Variants in FLYWCH1 observed in about 807,000 individuals in gnomAD.
FLYWCH1 encodes the protein FLYWCH-type zinc finger-containing protein 1.
In FLYWCH1, 75 loss-of-function variants were observed where a neutral mutation model predicts 66.4. The observed-to-expected ratio is 1.13, with a 90% confidence interval of 0.94 to 1.37. FLYWCH1 has a LOEUF of 1.37. Among genes scored for constraint, FLYWCH1 ranks in the 40% most tolerant of loss-of-function variants. FLYWCH1 has a pLI of 0.00. For synonymous variants in FLYWCH1, 595 were observed against 429.9 expected (o/e 1.38, Z -4.75); for missense variants, 1,334 against 1,001.8 (o/e 1.33, Z -4.48).
At chr16:2,938,565 C>A in intron 8 of FLYWCH1, 109 bp downstream of exon 8, 2 of 906,260 alleles carry the variant, frequency 2.2e-6, no homozygotes, top group Non-Finnish European at 3.1e-6. Context: ...CTTTTGTGCA[C>A]ACACAAATTA....
At chr16:2,912,938 T>C (rs1448291604) in intron 1 of FLYWCH1, 1 of 152,222 alleles carries the variant, frequency 6.6e-6, no homozygotes, top group African/African-American at 2.4e-5. Context: ...AGGGCCAATA[T>C]GATTTCCAGG....
intron 2 of FLYWCH1, among the ~76,000 whole-genome samples, chr16:2,917,361 C>T (rs1158546989): frequency 6.6e-6 from 1 of 150,922 alleles, no homozygotes; most frequent in Non-Finnish European, 1.5e-5. Flanking sequence ...TCCCGAGTAG[C>T]TGGGATTACA....
chr16:2,913,500 A>T (rs1349835571), intron 1 of FLYWCH1, among the ~76,000 whole-genome samples: 1 of 152,000 alleles, frequency 6.6e-6, no homozygotes, highest in African/African-American at 2.4e-5. Flanking sequence ...CACCCCAGGG[A>T]ACGTTCTGCA....
At chr16:2,944,890 TA>T (rs2071417258) in intron 9 of FLYWCH1, among the ~76,000 whole-genome samples, 1 of 151,838 alleles carries the variant, frequency 6.6e-6, no homozygotes, top group Non-Finnish European at 1.5e-5. Context: ...TTTTTGGAGG[TA>T]TCCAAAAGAA....
intron 4 of FLYWCH1, 119 bp downstream of exon 4, chr16:2,930,999 A>G: frequency 1.3e-6 from 1 of 795,214 alleles, no homozygotes; most frequent in Non-Finnish European, 1.9e-6. Context: ...TCAAAGCTAA[A>G]ATGACTTTTA....
At chr16:2,921,590 C>T (rs912333659) in intron 2 of FLYWCH1, among the ~76,000 whole-genome samples, 3 of 151,946 alleles carry the variant, frequency 2.0e-5, no homozygotes, top group Non-Finnish European at 1.5e-5. Flanking sequence ...GGCAAAACCC[C>T]GTCTCTACAA....
chr16:2,930,955 A>C, intron 4 of FLYWCH1, 75 bp downstream of exon 4: 1 of 1,136,932 alleles, frequency 8.8e-7, no homozygotes, highest in Non-Finnish European at 1.2e-6. Flanking sequence ...CCCAAATAGA[A>C]ATGTGGGGTC....
chr16:2,934,404 C>T (rs2070909932), intron 6 of FLYWCH1, among the ~76,000 whole-genome samples: 1 of 152,232 alleles, frequency 6.6e-6, no homozygotes, highest in African/African-American at 2.4e-5. Context: ...CTCCTCTCGG[C>T]CCGCTGTTCC....
intron 8 of FLYWCH1, among the ~76,000 whole-genome samples, chr16:2,939,291 C>G (rs1567348214): frequency 1.3e-5 from 2 of 152,066 alleles, no homozygotes; most frequent in African/African-American, 2.4e-5. Flanking sequence ...ACTAAAAATA[C>G]AAAATTAGCT....
intron 2 of FLYWCH1, among the ~76,000 whole-genome samples, chr16:2,916,675 AAG>A (rs1201805963): frequency 6.6e-5 from 10 of 151,854 alleles, no homozygotes; most frequent in Middle Eastern, 3.4e-3. Flanking sequence ...AAAAAGAAAA[AAG>A]AAATTTAAAA....
At chr16:2,947,105 GAATGA>G (rs2071516888) in intron 9 of FLYWCH1, among the ~76,000 whole-genome samples, 2 of 152,114 alleles carry the variant, frequency 1.3e-5, no homozygotes, top group Non-Finnish European at 2.9e-5. Flanking sequence ...GTCCATCAAT[GAATGA>G]AATACAGTCT....
chr16:2,931,343 G>A (rs974800751), intron 4 of FLYWCH1, among the ~76,000 whole-genome samples: 2 of 150,986 alleles, frequency 1.3e-5, no homozygotes, highest in East Asian at 1.9e-4. Flanking sequence ...CATAAATGTG[G>A]GCTGGGCACA....
intron 9 of FLYWCH1, among the ~76,000 whole-genome samples, chr16:2,946,277 G>A (rs527934338): frequency 1.4e-5 from 2 of 147,338 alleles, no homozygotes; most frequent in East Asian, 4.0e-4. Context: ...CACCCTGCAA[G>A]CTCCATTCAT....
intron 2 of FLYWCH1, among the ~76,000 whole-genome samples, chr16:2,920,707 A>C (rs1875310423): frequency 6.6e-6 from 1 of 150,554 alleles, no homozygotes; most frequent in African/African-American, 2.5e-5. Context: ...ATGCCTGGCT[A>C]TTTTTGTATT....
At chr16:2,925,027 C>A (rs1056094058) in intron 2 of FLYWCH1, among the ~76,000 whole-genome samples, 2 of 152,212 alleles carry the variant, frequency 1.3e-5, no homozygotes, top group African/African-American at 4.8e-5. Flanking sequence ...TTCACTCTGA[C>A]GGCCTGGGAC....
In FLYWCH1 at chr16:2,930,575, T is replaced by A. The variant is rs1405163099; in HGVS notation, c.491T>A (p.Leu164Gln). The A allele has an allele frequency of 6.4e-7, 1 of 1,557,006 alleles. No homozygotes were observed. The highest frequency in any genetic ancestry group is 8.7e-7 in the Non-Finnish European group (1 of 1,152,618). The stretch of plus-strand genomic sequence containing the variant: ...CGGGGCCGGGCCATCACCCGAGGCC[T>A]GCGGGCCACAGTGATGCGGGGCCAC... ...GCRGRAITRG[L>Q]RATVMRGHCH... The change falls in exon 4 of 10, where the codon CTG becomes CAG. Residue 164 changes from leucine (L) to glutamine (Q), a missense_variant. Coordinates refer to ENST00000253928, the MANE Select transcript of FLYWCH1 (RefSeq NM_001308068.2).
Position 2,934,406 on chromosome 16 carries a change from C to T in FLYWCH1, c.1513+427C>T, listed in dbSNP as rs571170231. Among the ~76,000 whole-genome samples, 9 of 152,324 alleles carry T rather than the reference C, an allele frequency of 5.9e-5. No individual in the cohort carries two copies. In the South Asian group the frequency reaches 1.4e-3, roughly 25 times the overall value. On this transcript the variant is annotated intron_variant, in intron 6 of 9. Coordinates refer to ENST00000253928, the MANE Select transcript of FLYWCH1 (RefSeq NM_001308068.2). ...ATGCAGCCGGTTTCTCCTCTCGGCC[C>T]GCTGTTCCATAGACACCCATAATGT...
intron 8 of FLYWCH1, among the ~76,000 whole-genome samples, chr16:2,938,850 G>C (rs1357611799): frequency 6.6e-6 from 1 of 151,496 alleles, no homozygotes; most frequent in African/African-American, 2.4e-5. Flanking sequence ...CTGACCTCGT[G>C]ATCCGCCTGT....
intron 2 of FLYWCH1, among the ~76,000 whole-genome samples, chr16:2,927,811 GAC>G (rs1025593114): frequency 6.6e-6 from 1 of 152,200 alleles, no homozygotes; most frequent in African/African-American, 2.4e-5. Flanking sequence ...AAAGAAATAA[GAC>G]ACAGAGACAA....
Sources: gnomAD v4.1 joint callset for allele counts (sites outside exome capture counted in the v4.1 genomes callset) on GRCh38, gnomAD v4.1.1 for gene constraint, MANE v1.5 for transcripts, NCBI Gene and HGNC (gene_info 2026-07-23, HGNC 2026-07-21) for gene names.